Variants in ZNF107 observed in about 807,000 individuals in gnomAD.
ZNF107 encodes zinc finger protein 107, also known as C2H2 type zinc-finger protein.
Under a neutral mutation model 12.3 loss-of-function variants are expected in ZNF107, and 19 were observed. The ratio of observed to expected loss-of-function variants is 1.55; its 90% CI spans 1.08 to 2.27. The LOEUF (loss-of-function observed/expected upper bound fraction) is 2.27. Among genes scored for constraint, ZNF107 ranks in the 30% most tolerant of loss-of-function variants. The pLI is 0.00. For synonymous variants in ZNF107, 317 were observed against 330.5 expected, an observed-to-expected ratio of 0.96 and a Z score of 0.44; for missense variants, 958 against 979.9, an observed-to-expected ratio of 0.98 and a Z score of 0.30.
Position 64,707,543 on chromosome 7 carries a change from A to C in ZNF107, c.1446A>C (p.Lys482Asn). The part of the protein sequence containing the change: ...RKIYSGEKPY[K>N]CEECGKAFNR... ...TTTATTCTGGAGAGAAACCATACAA[A>C]TGTGAAGAATGTGGAAAAGCTTTTA... Residue 482 changes from lysine (K) to asparagine (N), a missense_variant, in exon 4 of 4, where the codon AAA becomes AAC. By Grantham distance (94) the Lys-to-Asn change is moderately conservative. Transcript: ENST00000620827. The C allele has an allele frequency of 6.2e-7, 1 of 1,613,216 alleles. No individual in the cohort carries two copies. Among genetic ancestry groups the C allele is most frequent in the Admixed American group, 1.7e-5 (1 of 59,962 alleles).
In ZNF107 at chr7:64,709,890, C is replaced by T. The variant is rs1790827359; in HGVS notation, c.*1234C>T. On this transcript the variant is annotated 3_prime_UTR_variant, in exon 4 of 4. Transcript: ENST00000620827. ...CTGTAATGCCAGCACTTTGGGAGGC[C>T]AAGGTGGGTGGATCACCTGAGGGCA... 5.6e-6 allele frequency: 2 copies of T among 355,932 alleles called. No homozygotes were observed. Among genetic ancestry groups the T allele is most frequent in the Admixed American group, 4.1e-5 (1 of 24,196 alleles). 22.0% of individuals were successfully genotyped at this position (355,932 alleles called of 1,614,324 possible).
At chr7:64,693,437 C>T (rs1019020663) in intron 3 of ZNF107, among the ~76,000 whole-genome samples, 32 of 151,706 alleles carry the variant, frequency 2.1e-4, no homozygotes, top group African/African-American at 7.8e-4. Flanking sequence ...GAGCAAAAAC[C>T]TCTTTAAGTT....
At chr7:64,694,017 A>T (rs1790205194) in intron 3 of ZNF107, among the ~76,000 whole-genome samples, 1 of 152,006 alleles carries the variant, frequency 6.6e-6, no homozygotes, top group Non-Finnish European at 1.5e-5. Flanking sequence ...CGAACTCCTG[A>T]CCTTAGGTGA....
intron 1 of ZNF107, among the ~76,000 whole-genome samples, chr7:64,680,290 T>G (rs1789605309): frequency 6.6e-6 from 1 of 152,164 alleles, no homozygotes; most frequent in South Asian, 2.1e-4. Flanking sequence ...CCACTAAATA[T>G]ATCCAGGAAT....
At chr7:64,673,376 A>G (rs139310367) in intron 1 of ZNF107, among the ~76,000 whole-genome samples, 177 of 152,268 alleles carry the variant, frequency 1.2e-3, no homozygotes, top group Middle Eastern at 6.8e-3. Flanking sequence ...AGCCACATGT[A>G]TGTCTTCTTT....
chr7:64,708,505 C>T lies in ZNF107; in HGVS notation c.2408C>T (p.Ser803Phe). Reference protein sequence around the residue: ...ECGKSFNQFSSLNIHKIIHTG... With the variant: ...ECGKSFNQFSFLNIHKIIHTG... ...GGCAAATCCTTTAACCAGTTCTCATCTCTTAATATACATAAGATAATTCAT... is the reference window on the plus strand; with the variant it reads ...GGCAAATCCTTTAACCAGTTCTCATTTCTTAATATACATAAGATAATTCAT... Residue 803 changes from serine (S) to phenylalanine (F), a missense_variant, in exon 4 of 4, where the codon TCT becomes TTT. Ser to Phe is a radical substitution (Grantham distance 155). Coordinates refer to ENST00000620827, the MANE Select transcript of ZNF107 (RefSeq NM_001282359.2). The T allele has an allele frequency of 6.2e-7, 1 of 1,612,784 alleles. No individual in the cohort carries two copies. Among genetic ancestry groups the T allele is most frequent in the Non-Finnish European group, 8.5e-7 (1 of 1,179,476 alleles).
rs541543394 is a variant in ZNF107, at chr7:64,709,307, C to T, written c.*651C>T. The T allele has an allele frequency of 5.9e-4, 198 of 336,474 alleles. No individual in the cohort carries two copies. The highest frequency in any genetic ancestry group is 9.5e-4 in the South Asian group (37 of 39,146). The allele number at this position is 336,474 out of a possible 1,614,324, so 20.8% of individuals were successfully genotyped here. On this transcript the variant is annotated 3_prime_UTR_variant, in exon 4 of 4. Coordinates refer to ENST00000620827, the MANE Select transcript of ZNF107 (RefSeq NM_001282359.2). ...AAAGAAACCCTACAAATGTAAAAAA[C>T]GTGGCAATGCCTTTAACTGGTCCTC...
At chr7:64,687,349 G>T in intron 1 of ZNF107, 1 of 985,386 alleles carries the variant, frequency 1.0e-6, no homozygotes, top group South Asian at 4.7e-5. Context: ...TCCCATTATT[G>T]TGAAGGTGCA....
At chr7:64,685,099 G>A (rs1181312724) in intron 1 of ZNF107, among the ~76,000 whole-genome samples, 3 of 150,786 alleles carry the variant, frequency 2.0e-5, no homozygotes, top group Admixed American at 6.6e-5. Context: ...TGAAATGACC[G>A]AAAATACCCT....
At chr7:64,674,834 A>G (rs1021746817) in intron 1 of ZNF107, among the ~76,000 whole-genome samples, 34 of 152,192 alleles carry the variant, frequency 2.2e-4, no homozygotes, top group African/African-American at 8.0e-4. Flanking sequence ...ATTTTATTGA[A>G]AGCTTCTTCT....
chr7:64,673,776 A>G (rs954560863), intron 1 of ZNF107, among the ~76,000 whole-genome samples: 3 of 152,180 alleles, frequency 2.0e-5, no homozygotes, highest in South Asian at 2.1e-4. Flanking sequence ...TCCACTTTCA[A>G]TGTTCTACAT....
chr7:64,700,189 T>A (rs1790427751), intron 3 of ZNF107, among the ~76,000 whole-genome samples: 1 of 152,146 alleles, frequency 6.6e-6, no homozygotes, highest in Non-Finnish European at 1.5e-5. Context: ...CATGCTGCAA[T>A]GTACTCCTCA....
At position 64,674,429 on chromosome 7, in the gene ZNF107, G is replaced by A. The variant is rs1164707034; in HGVS notation, c.3+8144G>A. 2.0e-5 allele frequency among the ~76,000 whole-genome samples: 3 copies of A among 152,096 alleles called. No individual in the cohort carries two copies. In the East Asian group the frequency reaches 5.8e-4, roughly 29 times the overall value. The stretch of plus-strand genomic sequence containing the variant: ...CATCTTGGATGTTGTTGATGTAGAG[G>A]GATGCTACTGATTTTTGTGCATTTA... On this transcript the variant is annotated intron_variant, in intron 1 of 3. Transcript: ENST00000620827.
Position 64,691,344 on chromosome 7 carries a change from T to G in ZNF107, c.100T>G (p.Leu34Val). ...GCGGGATTTATATAGGAATGTGTTG[T>G]TAGAGAACTACAGAAACCTGGTCTT... ...AQRDLYRNVL[L>V]ENYRNLVFLG... is the part of the protein sequence containing the mutation. The change falls in exon 2 of 4, where the codon TTA becomes GTA. Residue 34 changes from leucine to valine, a missense_variant. Physicochemically the swap from Leu to Val is conservative, Grantham distance 32 (BLOSUM62 1). Transcript: ENST00000620827. 3 of 1,526,518 alleles carry G rather than the reference T, an allele frequency of 2.0e-6. No homozygotes were observed. Among genetic ancestry groups the G allele is most frequent in the Non-Finnish European group, 2.6e-6 (3 of 1,139,232 alleles). The allele number at this position is 1,526,518 out of a possible 1,614,324, so 94.6% of individuals were successfully genotyped here. A position where few individuals can be genotyped will look rare whatever the true frequency, so the allele number is the denominator to read the frequency against.
chr7:64,694,093 G>T (rs1191443067), intron 3 of ZNF107, among the ~76,000 whole-genome samples: 2 of 152,220 alleles, frequency 1.3e-5, no homozygotes, highest in East Asian at 3.8e-4. Context: ...CAGCCACTGT[G>T]TGGGTTTCTA....
chr7:64,693,534 G>A (rs941260114), intron 3 of ZNF107, among the ~76,000 whole-genome samples: 2 of 152,112 alleles, frequency 1.3e-5, no homozygotes, highest in African/African-American at 4.8e-5. Context: ...GAGAGGGGTT[G>A]TAGCTTAGTC....
intron 3 of ZNF107, among the ~76,000 whole-genome samples, chr7:64,695,091 A>C (rs1271808602): frequency 2.6e-5 from 4 of 151,960 alleles, no homozygotes; most frequent in Non-Finnish European, 5.9e-5. Flanking sequence ...ATAAATATAT[A>C]TTACATACCC....
chr7:64,702,121 A>G (rs1332026559), intron 3 of ZNF107, among the ~76,000 whole-genome samples: 1 of 151,842 alleles, frequency 6.6e-6, no homozygotes, highest in Non-Finnish European at 1.5e-5. Context: ...AAAAATGGAG[A>G]TTACATAAAA....
At chr7:64,672,459 C>T (rs960612636) in intron 1 of ZNF107, among the ~76,000 whole-genome samples, 1 of 152,124 alleles carries the variant, frequency 6.6e-6, no homozygotes, top group Non-Finnish European at 1.5e-5. Flanking sequence ...CTGGCTCAAG[C>T]AATCCTCCTA....
Sources: gnomAD v4.1 joint callset for allele counts (sites outside exome capture counted in the v4.1 genomes callset) on GRCh38, gnomAD v4.1.1 for gene constraint, MANE v1.5 for transcripts, NCBI Gene and HGNC (gene_info 2026-07-23, HGNC 2026-07-21) for gene names.